Variants in RPTOR observed in about 807,000 individuals in gnomAD.
RPTOR encodes the protein regulatory associated protein of MTOR complex 1.
A neutral mutation model predicts 169.9 loss-of-function variants in RPTOR; 21 were observed. That is an observed-to-expected ratio of 0.12 (90% confidence interval 0.09 to 0.18). RPTOR has a LOEUF of 0.18. RPTOR is among the 10% of genes least tolerant of loss of function. RPTOR has a pLI of 1.00. For synonymous variants in RPTOR, 732 were observed against 753.2 expected (o/e 0.97, Z 0.46); for missense variants, 1,133 against 1,855.9 (o/e 0.61, Z 7.16).
chr17:80,588,540 A>C (rs1160547018), intron 1 of RPTOR, among the ~76,000 whole-genome samples: 1 of 152,216 alleles, frequency 6.6e-6, no homozygotes, highest in African/African-American at 2.4e-5. Flanking sequence ...GAACATGGGT[A>C]TGCAGATGTG....
chr17:80,647,770 T>G (rs1460203575), intron 3 of RPTOR, among the ~76,000 whole-genome samples: 1 of 152,158 alleles, frequency 6.6e-6, no homozygotes, highest in Non-Finnish European at 1.5e-5. Flanking sequence ...TAGGAGCTCA[T>G]TCTCATCTTG....
At chr17:80,680,997 C>T (rs1454690117) in intron 3 of RPTOR, among the ~76,000 whole-genome samples, 1 of 152,040 alleles carries the variant, frequency 6.6e-6, no homozygotes, top group African/African-American at 2.4e-5. Flanking sequence ...GAGAGGGAGC[C>T]CGTGAGGCTC....
intron 1 of RPTOR, among the ~76,000 whole-genome samples, chr17:80,605,363 CA>C (rs1388293300): frequency 1.3e-5 from 2 of 152,000 alleles, no homozygotes; most frequent in African/African-American, 4.8e-5. Flanking sequence ...ATTTCTTTTA[CA>C]TTAAGAAAAA....
intron 3 of RPTOR, among the ~76,000 whole-genome samples, chr17:80,656,779 C>T (rs940653360): frequency 1.3e-5 from 2 of 152,248 alleles, no homozygotes; most frequent in African/African-American, 4.8e-5. Flanking sequence ...TGCATGGGGC[C>T]CACGTGAGTG....
chr17:80,639,538 G>A (rs562975359), intron 2 of RPTOR, among the ~76,000 whole-genome samples: 44 of 152,234 alleles, frequency 2.9e-4, no homozygotes, highest in African/African-American at 9.1e-4. Flanking sequence ...GCACTGCTGG[G>A]TCTCCACTCT....
chr17:80,790,852 A>G (rs1427783201), intron 6 of RPTOR, among the ~76,000 whole-genome samples: 1 of 152,176 alleles, frequency 6.6e-6, no homozygotes, highest in African/African-American at 2.4e-5. Context: ...GATTCTGCCC[A>G]CTGTATGCCA....
chr17:80,692,610 C>T lies in RPTOR; in HGVS notation c.349-15231C>T, dbSNP rs369090498. ...TGCTAGGATTACAGGCGTGAGCCAC[C>T]GTGCCTGGCCTAATTTATTTATTTA... On this transcript the variant is annotated intron_variant, in intron 3 of 33. Transcript: ENST00000306801. Among the ~76,000 whole-genome samples the T allele has an allele frequency of 1.8e-3, 272 of 151,770 alleles. 1 individual carries two copies. Among genetic ancestry groups the T allele is most frequent in the African/African-American group, 6.3e-3 (261 of 41,344 alleles).
At chr17:80,962,858 C>T (rs1042539221) in intron 32 of RPTOR, 70 bp from the exon 33 acceptor site, 151 of 1,600,816 alleles carry the variant, frequency 9.4e-5, no homozygotes, top group African/African-American at 1.6e-4. Flanking sequence ...CCCGCGGTCT[C>T]GGCATCTGCG....
intron 3 of RPTOR, among the ~76,000 whole-genome samples, chr17:80,706,091 A>G (rs1465310489): frequency 6.6e-6 from 1 of 152,212 alleles, no homozygotes; most frequent in Non-Finnish European, 1.5e-5. Flanking sequence ...AAAGTTTATC[A>G]AAGTGATGAA....
chr17:80,679,341 C>T (rs1460189386), intron 3 of RPTOR, among the ~76,000 whole-genome samples: 1 of 152,226 alleles, frequency 6.6e-6, no homozygotes, highest in East Asian at 1.9e-4. Context: ...TCCTGGAGGG[C>T]AGTCGGCTGG....
At chr17:80,700,719 T>C (rs1598236163) in intron 3 of RPTOR, among the ~76,000 whole-genome samples, 1 of 107,726 alleles carries the variant, frequency 9.3e-6, no homozygotes, top group Non-Finnish European at 2.0e-5. Context: ...ATGGTGGTGG[T>C]GGTGGTGGTG....
Position 80,957,576 on chromosome 17 carries a change from A to G in RPTOR, c.3371-48A>G, listed in dbSNP as rs2069268737. On this transcript the variant is annotated intron_variant, in intron 28 of 33. Transcript: ENST00000306801. This position sits in a 1 kb window ranked among gnomAD's most constrained non-coding sequence, Gnocchi z 4.6. ...CCAGAGCAGGCCCCAAAGCCTGCCC[A>G]AGGCAAGGGCCCATGGGGTGATGCC... 1 of 1,575,118 alleles carries G rather than the reference A, an allele frequency of 6.3e-7. No individual in the cohort carries two copies. The highest frequency in any genetic ancestry group is 8.7e-7 in the Non-Finnish European group (1 of 1,144,956).
chr17:80,836,327 C>A (rs2067563928), intron 9 of RPTOR, among the ~76,000 whole-genome samples: 1 of 152,268 alleles, frequency 6.6e-6, no homozygotes, highest in Non-Finnish European at 1.5e-5. Context: ...CCTGCTCGCC[C>A]TCACTCTCAT....
chr17:80,832,173 G>A (rs2067512676), intron 9 of RPTOR, among the ~76,000 whole-genome samples: 1 of 152,212 alleles, frequency 6.6e-6, no homozygotes, highest in African/African-American at 2.4e-5. Flanking sequence ...AGGTGTACTA[G>A]TTGAAACACC....
At position 80,551,652 on chromosome 17, in the gene RPTOR, C is replaced by T. The variant is rs995648883; in HGVS notation, c.162+5861C>T. Among the ~76,000 whole-genome samples, 94 of 152,220 alleles carry T rather than the reference C, an allele frequency of 6.2e-4. 1 individual carries two copies. The highest frequency in any genetic ancestry group is 4.3e-3 in the Admixed American group (66 of 15,280). On this transcript the variant is annotated intron_variant, in intron 1 of 33. Transcript: ENST00000306801. ...CGTACAATCGGGTTTTATACCGAGA[C>T]ATTCCATTGCCCAGGGACGGGCAGG... is the stretch of plus-strand genomic sequence containing the variant.
intron 1 of RPTOR, among the ~76,000 whole-genome samples, chr17:80,599,743 AC>A (rs1392876041): frequency 6.6e-6 from 1 of 152,112 alleles, no homozygotes; most frequent in Non-Finnish European, 1.5e-5. Context: ...CCTTTTGCCT[AC>A]CCCGGAAGGA....
At chr17:80,603,256 C>A (rs1457828297) in intron 1 of RPTOR, among the ~76,000 whole-genome samples, 1 of 152,114 alleles carries the variant, frequency 6.6e-6, no homozygotes, top group African/African-American at 2.4e-5. Context: ...CAAGAGAAAC[C>A]TATCAAGAAA....
At position 80,885,043 on chromosome 17, in the gene RPTOR, C is replaced by T. The variant is rs139895782; in HGVS notation, c.1878C>T (p.Phe626=). Residue 626 remains phenylalanine, a synonymous_variant, in exon 17 of 34, where the codon TTC becomes TTT. Coordinates refer to ENST00000306801, the MANE Select transcript of RPTOR (RefSeq NM_020761.3). ...RCAAVFALGT[F]VGNSAERTDH... is the part of the protein sequence containing the mutation. ...CAGCGGTCTTCGCCCTTGGCACGTT[C>T]GTGGGCAACTCTGCAGAGAGGACGG... 4.2e-5 allele frequency: 68 copies of T among 1,609,262 alleles called. No individual in the cohort carries two copies. The highest frequency in any genetic ancestry group is 5.3e-5 in the Non-Finnish European group (62 of 1,178,638).
chr17:80,666,837 T>C (rs1481246350), intron 3 of RPTOR, among the ~76,000 whole-genome samples: 1 of 150,026 alleles, frequency 6.7e-6, no homozygotes, highest in Non-Finnish European at 1.5e-5. Context: ...GAATGCTGTC[T>C]GTGAAGGGTG....
Sources: gnomAD v4.1 joint callset for allele counts (sites outside exome capture counted in the v4.1 genomes callset) on GRCh38, gnomAD v4.1.1 for gene constraint, Gnocchi (gnomAD v3.1) non-coding constraint, MANE v1.5 for transcripts, NCBI Gene and HGNC (gene_info 2026-07-23, HGNC 2026-07-21) for gene names.